The following ARL6IP5 variants were observed in gnomAD, a reference collection of about 807,000 sequenced individuals.
ARL6IP5 encodes the protein ARF like GTPase 6 interacting protein 5.
ARL6IP5 carries 6 observed loss-of-function variants against 13.0 expected under a neutral mutation model. The ratio of observed to expected loss-of-function variants is 0.46; its 90% CI spans 0.25 to 0.91. The LOEUF (loss-of-function observed/expected upper bound fraction) is 0.91, where lower values mean the gene tolerates loss of function less well. Ranked by LOEUF, ARL6IP5 falls within the 40% of genes least tolerant of loss-of-function variation. The pLI is 0.17. For missense variants in ARL6IP5, 208 were observed against 248.8 expected (o/e 0.84, Z 1.10); for synonymous variants, 91 against 91.9 (o/e 0.99, Z 0.06).
chr3:69,085,244 C>A (rs778281752), intron 1 of ARL6IP5, 21 bp downstream of exon 1: 1 of 1,602,350 alleles, frequency 6.2e-7, no homozygotes. Flanking sequence ...TCCCCCTACC[C>A]GGGACACCGA....
chr3:69,085,696 T>C (rs1340328064), intron 1 of ARL6IP5, among the ~76,000 whole-genome samples: 2 of 152,146 alleles, frequency 1.3e-5, no homozygotes, highest in Non-Finnish European at 2.9e-5. Context: ...TGCTGCTTTC[T>C]CTGCCTAATG....
At chr3:69,098,368 C>A (rs1965132) in intron 1 of ARL6IP5, among the ~76,000 whole-genome samples, 79,965 of 151,430 alleles carry the variant, frequency 0.53, 21,425 homozygotes, top group South Asian at 0.61. Context: ...CCTCAGCCTC[C>A]GAGTAGCTGA....
intron 1 of ARL6IP5, 127 bp from the exon 2 acceptor site, chr3:69,101,712 T>C: frequency 2.5e-6 from 2 of 801,908 alleles, no homozygotes; most frequent in Middle Eastern, 3.2e-4. Context: ...AGAAATCAAA[T>C]GAGACAATTT....
At chr3:69,089,123 T>C (rs930084674) in intron 1 of ARL6IP5, among the ~76,000 whole-genome samples, 72 of 152,328 alleles carry the variant, frequency 4.7e-4, no homozygotes, top group African/African-American at 1.5e-3. Context: ...ATAGGTACAT[T>C]AAAATCTGAG....
At chr3:69,085,508 C>A (rs908332516) in intron 1 of ARL6IP5, among the ~76,000 whole-genome samples, 1 of 152,228 alleles carries the variant, frequency 6.6e-6, no homozygotes, top group African/African-American at 2.4e-5. Context: ...TCCCCCACCC[C>A]CCTGCCCCCG....
intron 1 of ARL6IP5, among the ~76,000 whole-genome samples, chr3:69,097,376 G>A (rs1359523901): frequency 6.8e-6 from 1 of 147,782 alleles, no homozygotes; most frequent in Non-Finnish European, 1.5e-5. Flanking sequence ...GTTTCGCCAT[G>A]TTGCCTAGGA....
intron 2 of ARL6IP5, among the ~76,000 whole-genome samples, chr3:69,103,668 A>G (rs1353624376): frequency 6.6e-6 from 1 of 152,168 alleles, no homozygotes; most frequent in Non-Finnish European, 1.5e-5. Context: ...TAAAATAATG[A>G]ATTCTGGAGC....
intron 1 of ARL6IP5, among the ~76,000 whole-genome samples, chr3:69,098,502 C>T (rs555546214): frequency 2.6e-5 from 4 of 152,104 alleles, no homozygotes; most frequent in African/African-American, 9.7e-5. Flanking sequence ...GCCTCAGCCT[C>T]CCAAAGTGCT....
chr3:69,103,041 T>C (rs540049534), intron 2 of ARL6IP5, among the ~76,000 whole-genome samples: 2 of 152,346 alleles, frequency 1.3e-5, no homozygotes, highest in Non-Finnish European at 2.9e-5. Context: ...TGTGCACTTA[T>C]TCCACTAAAT....
chr3:69,094,532 G>C (rs1265152166), intron 1 of ARL6IP5, among the ~76,000 whole-genome samples: 1 of 152,088 alleles, frequency 6.6e-6, no homozygotes, highest in Non-Finnish European at 1.5e-5. Context: ...ATTTAGAGAA[G>C]TCCACCGTGA....
chr3:69,097,628 T>G (rs776449736), intron 1 of ARL6IP5, among the ~76,000 whole-genome samples: 4 of 152,202 alleles, frequency 2.6e-5, no homozygotes, highest in Non-Finnish European at 4.4e-5. Context: ...AAGGGAATTT[T>G]TTCTTTCCCA....
Position 69,105,005 on chromosome 3 carries a change from C to G in ARL6IP5, c.*369C>G, listed in dbSNP as rs1575866618. On this transcript the variant is annotated 3_prime_UTR_variant, in exon 3 of 3. Transcript: ENST00000273258. ...ATCATTGTAAAGTATCAAGACAATA[C>G]GAGTAAATGAAAAGGCTGTTAAAGT... The G allele has an allele frequency of 4.7e-6, 3 of 637,178 alleles. No homozygotes were observed. Among genetic ancestry groups the G allele is most frequent in the South Asian group, 1.8e-5 (1 of 54,406 alleles). The allele number at this position is 637,178 out of a possible 1,614,324, so 39.5% of individuals were successfully genotyped here. A position where few individuals can be genotyped will look rare whatever the true frequency, so the allele number is the denominator to read the frequency against.
chr3:69,089,697 C>T (rs2092259115), intron 1 of ARL6IP5: 2 of 413,882 alleles, frequency 4.8e-6, no homozygotes, highest in Middle Eastern at 3.5e-4. Context: ...CTGGTATGGC[C>T]TCAGAATCAC....
At chr3:69,097,953 TGGTTGGTCTGTGCCAAGCGGC>T (rs2092292356) in intron 1 of ARL6IP5, among the ~76,000 whole-genome samples, 1 of 152,224 alleles carries the variant, frequency 6.6e-6, no homozygotes, top group African/African-American at 2.4e-5. Context: ...TGGACTTTTG[TGGTTGGTCTGTGCCAAGCGGC>T]GGTTGTGGGT....
At chr3:69,095,918 T>C (rs2092285433) in intron 1 of ARL6IP5, among the ~76,000 whole-genome samples, 1 of 152,220 alleles carries the variant, frequency 6.6e-6, no homozygotes, top group Non-Finnish European at 1.5e-5. Flanking sequence ...CTTTGGGGTT[T>C]GTCGTGATTG....
chr3:69,095,679 G>C (rs534707901), intron 1 of ARL6IP5, among the ~76,000 whole-genome samples: 1 of 152,208 alleles, frequency 6.6e-6, no homozygotes, highest in South Asian at 2.1e-4. Context: ...GTTTTTAGTA[G>C]AGATGGGGTT....
chr3:69,088,220 C>T (rs1268776520), intron 1 of ARL6IP5, among the ~76,000 whole-genome samples: 1 of 152,308 alleles, frequency 6.6e-6, no homozygotes, highest in African/African-American at 2.4e-5. Flanking sequence ...CAGAACACTT[C>T]TCATTCTAAA....
At chr3:69,102,867 T>G (rs2092310529) in intron 2 of ARL6IP5, among the ~76,000 whole-genome samples, 1 of 152,206 alleles carries the variant, frequency 6.6e-6, no homozygotes, top group South Asian at 2.1e-4. Context: ...TGAAGAGATC[T>G]AGATATTCTC....
intron 1 of ARL6IP5, among the ~76,000 whole-genome samples, chr3:69,095,121 C>A (rs1464689016): frequency 6.6e-6 from 1 of 152,148 alleles, no homozygotes; most frequent in Non-Finnish European, 1.5e-5. Flanking sequence ...GAGTTGCTGC[C>A]ACAACTGGCA....
Sources: allele counts gnomAD v4.1 joint callset (sites outside exome capture counted in the v4.1 genomes callset), GRCh38; gene constraint gnomAD v4.1.1; transcripts MANE v1.5; gene names NCBI Gene and HGNC (gene_info 2026-07-23, HGNC 2026-07-21).